ABI1: variants seen among roughly 807,000 people sequenced by gnomAD.
ABI1 encodes Abelson interactor 1.
ABI1 carries 14 observed loss-of-function variants against 54.6 expected under a neutral mutation model. The observed-to-expected ratio is 0.26, with a 90% confidence interval of 0.17 to 0.40. The LOEUF (loss-of-function observed/expected upper bound fraction) is 0.40, where lower values mean the gene tolerates loss of function less well. Among genes scored for constraint, ABI1 ranks in the 10% least tolerant of loss-of-function variants. The pLI, the probability that ABI1 is intolerant of heterozygous loss-of-function variation, is 1.00. For synonymous variants in ABI1, 194 were observed against 209.3 expected, an observed-to-expected ratio of 0.93 and a Z score of 0.63; for missense variants, 443 against 598.3, an observed-to-expected ratio of 0.74 and a Z score of 2.71.
chr10:26,800,132 C>T (rs575681747), intron 2 of ABI1, among the ~76,000 whole-genome samples: 2 of 152,244 alleles, frequency 1.3e-5, no homozygotes, highest in Admixed American at 6.5e-5. Context: ...GCCTGTAATC[C>T]CAACACTTTG....
At chr10:26,761,673 T>TAC (rs1305690772) in intron 7 of ABI1, among the ~76,000 whole-genome samples, 2 of 100,084 alleles carry the variant, frequency 2.0e-5, no homozygotes, top group African/African-American at 7.9e-5. Flanking sequence ...CACACACACA[T>TAC]ACACATATAT....
At position 26,851,348 on chromosome 10, in the gene ABI1, A is replaced by ATTT. The variant is rs397724445; in HGVS notation, c.117+9396_117+9398dup. 0.015 allele frequency among the ~76,000 whole-genome samples: 989 copies of ATTT among 67,786 alleles called. 197 individuals are homozygous for ATTT. In the South Asian group the frequency reaches 0.2, roughly 14 times the overall value. The allele number at this position is 67,786 out of a possible 152,430, so 44.5% of individuals were successfully genotyped here. On this transcript the variant is annotated intron_variant, in intron 1 of 10. Coordinates refer to ENST00000376140, the MANE Select transcript of ABI1 (RefSeq NM_001012750.3). ...GTAGCTGGGACTACAGACTAAGCTA[A>ATTT]TTTTTTTTTTTTTTTTTTTTTTTTT...
intron 2 of ABI1, among the ~76,000 whole-genome samples, chr10:26,778,243 C>A (rs1841673591): frequency 1.3e-5 from 2 of 151,912 alleles, no homozygotes; most frequent in South Asian, 4.2e-4. Flanking sequence ...AATTTAGTTG[C>A]CAACTTAAAA....
At chr10:26,839,771 C>G (rs1311766809) in intron 1 of ABI1, 4 of 700,822 alleles carry the variant, frequency 5.7e-6, no homozygotes, top group Admixed American at 2.0e-5. Context: ...AGCAACACAG[C>G]AAAACCATGT....
At chr10:26,841,115 G>T (rs2049464958) in intron 1 of ABI1, among the ~76,000 whole-genome samples, 1 of 152,142 alleles carries the variant, frequency 6.6e-6, no homozygotes, top group Non-Finnish European at 1.5e-5. Context: ...AATTGTGTCA[G>T]ACCATATGGC....
At chr10:26,829,655 A>C (rs138657363) in intron 1 of ABI1, among the ~76,000 whole-genome samples, 47 of 152,332 alleles carry the variant, frequency 3.1e-4, no homozygotes, top group African/African-American at 1.0e-3. Flanking sequence ...GGGTCATGTC[A>C]AAAGGACTCA....
At chr10:26,772,090 T>C (rs562849522) in intron 3 of ABI1, among the ~76,000 whole-genome samples, 3 of 152,142 alleles carry the variant, frequency 2.0e-5, no homozygotes, top group South Asian at 2.1e-4. Context: ...AAGGAGAGAT[T>C]TGGTGTCTTT....
At chr10:26,844,855 C>T (rs1004793827) in intron 1 of ABI1, among the ~76,000 whole-genome samples, 2 of 152,212 alleles carry the variant, frequency 1.3e-5, no homozygotes, top group South Asian at 2.1e-4. Context: ...TTCAATCTTA[C>T]TACAGCTATC....
At chr10:26,848,913 C>CT (rs1364865766) in intron 1 of ABI1, among the ~76,000 whole-genome samples, 4 of 152,104 alleles carry the variant, frequency 2.6e-5, no homozygotes, top group African/African-American at 9.7e-5. Context: ...CCGGCCAAGA[C>CT]TTTCTCCATA....
chr10:26,751,896 C>T, intron 9 of ABI1, 113 bp from the exon 10 acceptor site: 1 of 907,536 alleles, frequency 1.1e-6, no homozygotes, highest in Non-Finnish European at 1.6e-6. Context: ...TATAATAAAA[C>T]ATGCAATGAT....
intron 1 of ABI1, among the ~76,000 whole-genome samples, chr10:26,851,764 G>T (rs2050413593): frequency 6.6e-6 from 1 of 151,984 alleles, no homozygotes; most frequent in Non-Finnish European, 1.5e-5. Flanking sequence ...GGTGAGCGAG[G>T]ATAGCAGGTT....
At chr10:26,834,259 T>C (rs114207379) in intron 1 of ABI1, among the ~76,000 whole-genome samples, 2,355 of 151,814 alleles carry the variant, frequency 0.016, 52 homozygotes, top group African/African-American at 0.054. Flanking sequence ...AAAATTAATA[T>C]ACTGGAATAT....
At chr10:26,751,813 C>T in intron 9 of ABI1, 30 bp from the exon 10 acceptor site, 1 of 1,560,550 alleles carries the variant, frequency 6.4e-7, no homozygotes, top group Non-Finnish European at 8.7e-7. Context: ...TGATTTGAAT[C>T]AAAAATAAGT....
In ABI1 at chr10:26,789,718, T is replaced by C. The variant is rs188807942; in HGVS notation, c.286-12477A>G. 7.9e-4 allele frequency among the ~76,000 whole-genome samples: 120 copies of C among 152,328 alleles called. 1 individual carries two copies. The highest frequency in any genetic ancestry group is 5.8e-3 in the Admixed American group (89 of 15,302). On this transcript the variant is annotated intron_variant, in intron 2 of 10. Transcript: ENST00000376140. ...TCATGGGTGTTTGTTGTACAGATTA[T>C]TTCATCCCCCAGGTATTAAGCCTAG...
chr10:26,846,332 T>C (rs2134152133), intron 1 of ABI1, among the ~76,000 whole-genome samples: 1 of 145,002 alleles, frequency 6.9e-6, no homozygotes, highest in South Asian at 2.4e-4. Context: ...GAAAACTTTC[T>C]TTCTCTTTTC....
intron 1 of ABI1, among the ~76,000 whole-genome samples, chr10:26,841,628 C>T (rs1337806494): frequency 6.6e-6 from 1 of 150,926 alleles, no homozygotes; most frequent in Admixed American, 6.6e-5. Flanking sequence ...CTCTTTTATT[C>T]ACTCTGTATA....
intron 1 of ABI1, among the ~76,000 whole-genome samples, chr10:26,844,149 C>G (rs2049800021): frequency 6.6e-6 from 1 of 152,182 alleles, no homozygotes; most frequent in African/African-American, 2.4e-5. Flanking sequence ...CTTGACACTA[C>G]TCACAGCTCT....
intron 6 of ABI1, 39 bp downstream of exon 6, chr10:26,768,813 C>T (rs867864029): frequency 6.3e-7 from 1 of 1,581,338 alleles, no homozygotes; most frequent in Admixed American, 1.8e-5. Context: ...CAGTTACACC[C>T]ACTTTAGAGA....
intron 7 of ABI1, among the ~76,000 whole-genome samples, chr10:26,761,438 A>T (rs926498410): frequency 6.6e-6 from 1 of 151,328 alleles, no homozygotes; most frequent in Non-Finnish European, 1.5e-5. Context: ...ATGCATAATT[A>T]TATGTTATAC....
Sources: allele counts gnomAD v4.1 joint callset (sites outside exome capture counted in the v4.1 genomes callset), GRCh38; gene constraint gnomAD v4.1.1; transcripts MANE v1.5; gene names NCBI Gene and HGNC (gene_info 2026-07-23, HGNC 2026-07-21).